The following SPTBN1 variants were observed in gnomAD, a reference collection of about 807,000 sequenced individuals.
The protein encoded by SPTBN1 is spectrin beta chain, non-erythrocytic 1.
SPTBN1 carries 32 observed loss-of-function variants against 266.4 expected under a neutral mutation model. The ratio of observed to expected loss-of-function variants is 0.12; its 90% CI spans 0.09 to 0.16. SPTBN1 has a LOEUF of 0.16. Among genes scored for constraint, SPTBN1 ranks in the 10% least tolerant of loss-of-function variants. The probability of loss-of-function intolerance (pLI) is 1.00; values close to 1 mark genes in which losing one functional copy is unlikely to be tolerated. For synonymous variants in SPTBN1, 1,336 were observed against 1,162.2 expected, an observed-to-expected ratio of 1.15 and a Z score of -3.04; for missense variants, 2,296 against 3,067.1, an observed-to-expected ratio of 0.75 and a Z score of 5.94.
In SPTBN1 at chr2:54,628,372, C is replaced by T. The variant is rs1678494237; in HGVS notation, c.1798+122C>T. ...ATTCCTGGTGGGTTTGTCATGGGAG[C>T]ATGAAATACGGTGGAGTGGCCTTCT... On this transcript the variant is annotated intron_variant, in intron 13 of 35. Transcript: ENST00000356805. The surrounding 1 kb of genome is among the most constrained non-coding windows in gnomAD (Gnocchi z 4.3). The T allele has an allele frequency of 1.6e-6, 2 of 1,256,820 alleles. No homozygotes were observed. The highest frequency in any genetic ancestry group is 3.1e-5 in the African/African-American group (2 of 65,110). 77.9% of individuals were successfully genotyped at this position (1,256,820 alleles called of 1,614,324 possible).
Position 54,647,145 on chromosome 2 carries a change from T to C in SPTBN1, c.4881T>C (p.Ala1627=). 6.2e-7 allele frequency: 1 copy of C among 1,614,188 alleles called. No individual in the cohort carries two copies. Among genetic ancestry groups the C allele is most frequent in the South Asian group, 1.1e-5 (1 of 91,086 alleles). Residue 1627 remains alanine (A), a synonymous_variant, in exon 24 of 36, where the codon GCT becomes GCC. Coordinates refer to ENST00000356805, the MANE Select transcript of SPTBN1 (RefSeq NM_003128.3). The part of the protein sequence containing the change: ...SEEKAKDEQS[A]VSMLKKHQIL... ...TGTCTTTGCAGGATGAGCAGAGTGCTGTCTCCATGTTGAAGAAGCACCAGA... is the reference window on the plus strand; with the variant it reads ...TGTCTTTGCAGGATGAGCAGAGTGCCGTCTCCATGTTGAAGAAGCACCAGA...
chr2:54,561,282 CTA>C (rs1343946399), intron 2 of SPTBN1, among the ~76,000 whole-genome samples: 2 of 152,174 alleles, frequency 1.3e-5, no homozygotes. Flanking sequence ...GTAGCTGGGA[CTA>C]TACCATGTCT....
At chr2:54,655,304 A>AT in intron 28 of SPTBN1, 96 bp downstream of exon 28, 3 of 1,450,454 alleles carry the variant, frequency 2.1e-6, no homozygotes, top group Admixed American at 2.0e-5. Context: ...CTGTGTTTAC[A>AT]TTCTTATACA....
intron 1 of SPTBN1, among the ~76,000 whole-genome samples, chr2:54,492,185 A>G (rs1668719292): frequency 1.3e-5 from 2 of 152,182 alleles, no homozygotes; most frequent in East Asian, 3.8e-4. Context: ...GTTTGCGCTC[A>G]CATATACACT....
chr2:54,501,871 G>C (rs928013012), intron 1 of SPTBN1, among the ~76,000 whole-genome samples: 43 of 152,208 alleles, frequency 2.8e-4, no homozygotes, highest in African/African-American at 8.0e-4. Context: ...AGCAACTAGT[G>C]TGTATAGAGA....
In SPTBN1 at chr2:54,626,610, T is replaced by A. The variant is rs1225676343; in HGVS notation, c.1644+376T>A. ...GGGCAGGGGTCCCGGAGAGGTGGTA[T>A]GGGGAGAAGGGAGGAGTGGTAGGTG... On this transcript the variant is annotated intron_variant, in intron 12 of 35. Coordinates refer to ENST00000356805, the MANE Select transcript of SPTBN1 (RefSeq NM_003128.3). This position sits in a 1 kb window ranked among gnomAD's most constrained non-coding sequence, Gnocchi z 4.7. 2.0e-5 allele frequency among the ~76,000 whole-genome samples: 3 copies of A among 152,124 alleles called. No homozygotes were observed. The highest frequency in any genetic ancestry group is 7.2e-5 in the African/African-American group (3 of 41,440).
chr2:54,604,206 G>A (rs7598568), intron 3 of SPTBN1, among the ~76,000 whole-genome samples: 1 of 151,998 alleles, frequency 6.6e-6, no homozygotes, highest in Non-Finnish European at 1.5e-5. Flanking sequence ...CTTTGGACAC[G>A]TATAGAGAAA....
At chr2:54,586,045 T>C (rs1394957596) in intron 2 of SPTBN1, among the ~76,000 whole-genome samples, 1 of 152,228 alleles carries the variant, frequency 6.6e-6, no homozygotes, top group Non-Finnish European at 1.5e-5. Flanking sequence ...AGTTTCAGAA[T>C]TTTCTAAATC....
At chr2:54,595,356 A>G (rs1675998372) in intron 2 of SPTBN1, among the ~76,000 whole-genome samples, 1 of 152,212 alleles carries the variant, frequency 6.6e-6, no homozygotes, top group Non-Finnish European at 1.5e-5. Context: ...GCAGGGGCAC[A>G]GAAGTGCTTG....
At chr2:54,550,917 G>A (rs1263429284) in intron 2 of SPTBN1, among the ~76,000 whole-genome samples, 1 of 152,190 alleles carries the variant, frequency 6.6e-6, no homozygotes, top group Non-Finnish European at 1.5e-5. Flanking sequence ...TGTAGGGGAG[G>A]AGTATGTCTT....
intron 3 of SPTBN1, among the ~76,000 whole-genome samples, chr2:54,606,306 G>A (rs1400020136): frequency 2.0e-5 from 3 of 151,682 alleles, no homozygotes; most frequent in South Asian, 2.2e-4. Flanking sequence ...CCACACTGTC[G>A]CCTCCACCCT....
At chr2:54,536,691 C>T (rs887485270) in intron 2 of SPTBN1, among the ~76,000 whole-genome samples, 4 of 152,170 alleles carry the variant, frequency 2.6e-5, no homozygotes, top group Admixed American at 1.3e-4. Flanking sequence ...TACAGATTCA[C>T]TTGAGTTCTC....
intron 4 of SPTBN1, among the ~76,000 whole-genome samples, chr2:54,613,268 C>G (rs1181366626): frequency 6.6e-6 from 1 of 152,100 alleles, no homozygotes; most frequent in Non-Finnish European, 1.5e-5. Flanking sequence ...TGACTGTGTT[C>G]TCTTGCCATT....
In SPTBN1 at chr2:54,646,403, C is replaced by T; in HGVS notation, c.4794C>T (p.Tyr1598=). The change falls in exon 23 of 36, where the codon TAC becomes TAT. Residue 1598 remains tyrosine (Y), a synonymous_variant. Transcript: ENST00000356805. The surrounding 1 kb of genome is among the most constrained non-coding windows in gnomAD (Gnocchi z 4.4). The part of the protein sequence containing the change: ...LEEAHRAQQY[Y]FDAAEAEAWM... ...AGGCGCACAGGGCCCAGCAGTACTA[C>T]TTTGACGCTGCTGAGGCCGAAGCCT... The T allele has an allele frequency of 6.2e-7, 1 of 1,604,428 alleles. No homozygotes were observed. The highest frequency in any genetic ancestry group is 8.5e-7 in the Non-Finnish European group (1 of 1,175,362).
At position 54,632,659 on chromosome 2, in the gene SPTBN1, G is replaced by A. The variant is rs1678829461; in HGVS notation, c.3658G>A (p.Ala1220Thr). ...KQEDFMTTMDANEEKINAVVE... is the reference protein window; with the variant it reads ...KQEDFMTTMDTNEEKINAVVE... Reference sequence around the variant, plus strand: ...AGAGGACTTCATGACCACCATGGACGCCAATGAGGAGAAGATCAATGCTGT... The same window carrying A: ...AGAGGACTTCATGACCACCATGGACACCAATGAGGAGAAGATCAATGCTGT... The change falls in exon 17 of 36, where the codon GCC becomes ACC. Residue 1220 changes from alanine (A) to threonine (T), a missense_variant. Around this residue, in one of 12 missense-constraint regions of SPTBN1, gnomAD observed 386 missense variants for 486.1 expected, o/e 0.79. Coordinates refer to ENST00000356805, the MANE Select transcript of SPTBN1 (RefSeq NM_003128.3). 6 of 1,614,198 alleles carry A rather than the reference G, an allele frequency of 3.7e-6. No individual in the cohort carries two copies. Among genetic ancestry groups the A allele is most frequent in the South Asian group, 1.1e-5 (1 of 91,084 alleles).
At position 54,558,681 on chromosome 2, in the gene SPTBN1, C is replaced by T. The variant is rs1444088087; in HGVS notation, c.148+32115C>T. 4 of 1,534,366 alleles carry T rather than the reference C, an allele frequency of 2.6e-6. No homozygotes were observed. Among genetic ancestry groups the T allele is most frequent in the East Asian group, 2.3e-5 (1 of 42,582 alleles). On this transcript the variant is annotated intron_variant, in intron 2 of 35. Coordinates refer to ENST00000356805, the MANE Select transcript of SPTBN1 (RefSeq NM_003128.3). The surrounding 1 kb of genome is among the most constrained non-coding windows in gnomAD (Gnocchi z 4.6). The stretch of plus-strand genomic sequence containing the variant: ...ACCGGAATGGGGCTCGCCTAAGGAG[C>T]CGAGCGCTGCGGAGGCTGCTGCGTG...
At chr2:54,614,624 G>A (rs922527682) in intron 4 of SPTBN1, among the ~76,000 whole-genome samples, 71 of 152,078 alleles carry the variant, frequency 4.7e-4, no homozygotes, top group African/African-American at 1.6e-3. Flanking sequence ...CCAACATGAC[G>A]ATACCCTGCC....
Position 54,529,379 on chromosome 2 carries a change from C to G in SPTBN1, c.148+2813C>G, listed in dbSNP as rs766242761. On this transcript the variant is annotated intron_variant, in intron 2 of 35. Coordinates refer to ENST00000356805, the MANE Select transcript of SPTBN1 (RefSeq NM_003128.3). ...GAAAGTGAAGAAGGAAGCTCCTGGC[C>G]CGCCTAAAGCTGAAGCCAAAGCAAA... 4.5e-6 allele frequency: 3 copies of G among 660,858 alleles called. No homozygotes were observed. In the African/African-American group the frequency reaches 5.4e-5, roughly 12 times the overall value. The allele number at this position is 660,858 out of a possible 1,614,324, so 40.9% of individuals were successfully genotyped here.
At chr2:54,490,951 G>T (rs1668655489) in intron 1 of SPTBN1, among the ~76,000 whole-genome samples, 2 of 152,198 alleles carry the variant, frequency 1.3e-5, no homozygotes, top group African/African-American at 4.8e-5. Context: ...ACTCTTGCAT[G>T]CCTTGAGAGG....
Sources: gnomAD v4.1 joint callset for allele counts (sites outside exome capture counted in the v4.1 genomes callset) on GRCh38, gnomAD v4.1.1 for gene constraint, gnomAD v4.1.1 regional missense constraint, Gnocchi (gnomAD v3.1) non-coding constraint, MANE v1.5 for transcripts, NCBI Gene and HGNC (gene_info 2026-07-23, HGNC 2026-07-21) for gene names.